The following SCUBE1 variants were observed in gnomAD, a reference collection of about 807,000 sequenced individuals.
The protein encoded by SCUBE1 is signal peptide, CUB and EGF-like domain-containing protein 1.
SCUBE1 carries 59 observed loss-of-function variants against 124.4 expected under a neutral mutation model. The ratio of observed to expected loss-of-function variants is 0.47; its 90% confidence interval spans 0.38 to 0.59. The LOEUF is 0.59. Among genes scored for constraint, SCUBE1 ranks in the 20% least tolerant of loss-of-function variants. The pLI, the probability that SCUBE1 is intolerant of heterozygous loss-of-function variation, is 0.00. For missense variants in SCUBE1, 1,150 were observed against 1,371.2 expected, an observed-to-expected ratio of 0.84 and a Z score of 2.55; for synonymous variants, 545 against 550.9, an observed-to-expected ratio of 0.99 and a Z score of 0.15.
intron 19 of SCUBE1, among the ~76,000 whole-genome samples, chr22:43,209,459 C>T (rs557378652): frequency 6.6e-6 from 1 of 152,324 alleles, no homozygotes; most frequent in African/African-American, 2.4e-5. Context: ...GGGCACACAG[C>T]GGTCACACCC....
intron 21 of SCUBE1, among the ~76,000 whole-genome samples, chr22:43,204,852 G>A (rs1325285389): frequency 6.6e-6 from 1 of 151,630 alleles, no homozygotes; most frequent in Non-Finnish European, 1.5e-5. Flanking sequence ...GCTGAGGCAT[G>A]AGAACTGCTT....
intron 8 of SCUBE1, among the ~76,000 whole-genome samples, chr22:43,229,963 G>A (rs911559622): frequency 1.3e-5 from 2 of 152,212 alleles, no homozygotes; most frequent in Admixed American, 1.3e-4. Flanking sequence ...TAGCAGTTAA[G>A]AGTTCATTCT....
chr22:43,336,745 G>A lies in SCUBE1; in HGVS notation c.220+2359C>T, dbSNP rs1258728914. 3.3e-5 allele frequency among the ~76,000 whole-genome samples: 5 copies of A among 152,350 alleles called. No individual in the cohort carries two copies. In the East Asian group the frequency reaches 9.7e-4, roughly 29 times the overall value. ...GTAGGTACCCATTGCAGTCTAGCAT[G>A]CATGTGTGTGCACGTGTAAGTGTGT... On this transcript the variant is annotated intron_variant, in intron 2 of 21. Transcript: ENST00000360835.
chr22:43,312,025 G>A (rs1476885991), intron 3 of SCUBE1, among the ~76,000 whole-genome samples: 1 of 152,162 alleles, frequency 6.6e-6, no homozygotes, highest in Non-Finnish European at 1.5e-5. Flanking sequence ...GGTATGGGGT[G>A]GAGCCAAGGG....
At chr22:43,233,603 C>T (rs1922644013) in intron 7 of SCUBE1, 2 of 152,240 alleles carry the variant, frequency 1.3e-5, no homozygotes, top group South Asian at 4.1e-4. Context: ...TCCAGTGTCA[C>T]TGGCACCGCT....
intron 4 of SCUBE1, among the ~76,000 whole-genome samples, 195 bp downstream of exon 4, chr22:43,290,851 G>A (rs1436334624): frequency 6.6e-6 from 1 of 152,256 alleles, no homozygotes; most frequent in African/African-American, 2.4e-5. Context: ...CAGCCCTAGT[G>A]TAGCAGGTAG....
At chr22:43,227,812 G>A (rs537829347) in intron 9 of SCUBE1, among the ~76,000 whole-genome samples, 5 of 152,326 alleles carry the variant, frequency 3.3e-5, no homozygotes. Flanking sequence ...GTGGCGCAGG[G>A]AATGAGCACT....
At chr22:43,209,586 G>A (rs1481547123) in intron 19 of SCUBE1, among the ~76,000 whole-genome samples, 1 of 152,068 alleles carries the variant, frequency 6.6e-6, no homozygotes, top group Non-Finnish European at 1.5e-5. Flanking sequence ...GGGTGGGGAG[G>A]GCTCTCTGAG....
intron 4 of SCUBE1, chr22:43,283,821 T>C (rs1925023313): frequency 6.6e-6 from 1 of 152,268 alleles, no homozygotes; most frequent in African/African-American, 2.4e-5. Flanking sequence ...AAATAAAAAA[T>C]TCTAAAAAAT....
intron 2 of SCUBE1, among the ~76,000 whole-genome samples, chr22:43,324,263 A>C (rs936332193): frequency 6.6e-6 from 1 of 152,244 alleles, no homozygotes; most frequent in South Asian, 2.1e-4. Context: ...TGAATAGTCA[A>C]TAAAACAACT....
Position 43,216,744 on chromosome 22 carries a change from C to T in SCUBE1, c.1891+1511G>A, listed in dbSNP as rs539513080. On this transcript the variant is annotated intron_variant, in intron 15 of 21. Coordinates refer to ENST00000360835, the MANE Select transcript of SCUBE1 (RefSeq NM_173050.5). ...TTGTCAGTACGGCTGTCCCCCTCCACTGTCTGAGCCAGAGTCCCAGCTTCC... is the reference window on the plus strand; with the variant it reads ...TTGTCAGTACGGCTGTCCCCCTCCATTGTCTGAGCCAGAGTCCCAGCTTCC... Among the ~76,000 whole-genome samples the T allele has an allele frequency of 3.9e-5, 6 of 152,082 alleles. No individual in the cohort carries two copies. In the South Asian group the frequency reaches 1.0e-3, roughly 26 times the overall value.
chr22:43,220,652 C>T (rs2146667633), intron 13 of SCUBE1, 65 bp from the exon 14 acceptor site: 1 of 1,574,078 alleles, frequency 6.4e-7, no homozygotes, highest in Middle Eastern at 1.7e-4. Context: ...CCTACCAAGC[C>T]CTGCATACAG....
chr22:43,292,780 A>G (rs189079165), intron 3 of SCUBE1, among the ~76,000 whole-genome samples: 5 of 152,322 alleles, frequency 3.3e-5, no homozygotes, highest in Admixed American at 2.6e-4. Flanking sequence ...TTACCACCTA[A>G]GACACCACAC....
intron 4 of SCUBE1, among the ~76,000 whole-genome samples, chr22:43,268,048 C>T (rs914162907): frequency 2.6e-5 from 4 of 152,206 alleles, no homozygotes; most frequent in East Asian, 1.9e-4. Context: ...AAGGACCCCC[C>T]GGGCCTCCTC....
At chr22:43,221,985 A>G (rs1922109204) in intron 12 of SCUBE1, among the ~76,000 whole-genome samples, 1 of 152,040 alleles carries the variant, frequency 6.6e-6, no homozygotes. Flanking sequence ...AATTGCTTGA[A>G]CCTGGGAGGC....
At chr22:43,246,880 C>T (rs953551715) in intron 6 of SCUBE1, among the ~76,000 whole-genome samples, 36 of 138,446 alleles carry the variant, frequency 2.6e-4, no homozygotes, top group African/African-American at 7.5e-4. Flanking sequence ...GGGATGGGGG[C>T]GGGGCAGGGA....
chr22:43,231,641 C>G, intron 8 of SCUBE1, 112 bp downstream of exon 8: 1 of 1,367,054 alleles, frequency 7.3e-7, no homozygotes, highest in Non-Finnish European at 9.9e-7. Context: ...TTCCCTCGGG[C>G]CCAGCCCCAT....
chr22:43,217,523 C>T (rs775604894), intron 15 of SCUBE1, among the ~76,000 whole-genome samples: 6 of 152,154 alleles, frequency 3.9e-5, no homozygotes, highest in Non-Finnish European at 7.4e-5. Flanking sequence ...CCCCGCTACT[C>T]AGCCTTCCCG....
At chr22:43,206,143 A>C (rs1601791519) in intron 21 of SCUBE1, among the ~76,000 whole-genome samples, 1 of 44,402 alleles carries the variant, frequency 2.3e-5, no homozygotes, top group Non-Finnish European at 4.2e-5. Flanking sequence ...CACCGCCTCC[A>C]TTCACCACAC....
Sources: gnomAD v4.1 joint callset for allele counts (sites outside exome capture counted in the v4.1 genomes callset) on GRCh38, gnomAD v4.1.1 for gene constraint, MANE v1.5 for transcripts, NCBI Gene and HGNC (gene_info 2026-07-23, HGNC 2026-07-21) for gene names.